The following ROBO2 variants were observed in gnomAD, a reference collection of about 807,000 sequenced individuals.
ROBO2 encodes the protein roundabout guidance receptor 2, also known as roundabout homolog 2.
A neutral mutation model predicts 160.8 loss-of-function variants in ROBO2; 53 were observed. That is an observed-to-expected ratio of 0.33 (90% CI 0.26 to 0.41). The LOEUF (loss-of-function observed/expected upper bound fraction) is 0.41, where lower values mean the gene tolerates loss of function less well. Among genes scored for constraint, ROBO2 ranks in the 10% least tolerant of loss-of-function variants. ROBO2 has a pLI of 1.00. For synonymous variants in ROBO2, 664 were observed against 611.7 expected (o/e 1.09, Z -1.26); for missense variants, 1,577 against 1,722.4 (o/e 0.92, Z 1.49).
chr3:77,580,807 T>C (rs1371810771), intron 16 of ROBO2, among the ~76,000 whole-genome samples: 4 of 152,184 alleles, frequency 2.6e-5, no homozygotes, highest in Non-Finnish European at 4.4e-5. Context: ...GCTTTTCACC[T>C]GACAGAATGA....
At position 76,575,535 on chromosome 3, in the gene ROBO2, C is replaced by A. The variant is rs145580289; in HGVS notation, c.110-522479C>A. 1.4e-4 allele frequency among the ~76,000 whole-genome samples: 21 copies of A among 152,014 alleles called. No homozygotes were observed. In the East Asian group the frequency reaches 3.5e-3, roughly 25 times the overall value. The stretch of plus-strand genomic sequence containing the variant: ...AAAATGACATTTTACTTGTCATAGG[C>A]AAGTATTTTTGTCTCTTTGGAGGTA... On this transcript the variant is annotated intron_variant, in intron 2 of 26. Coordinates refer to the ROBO2 transcript ENST00000487694.
intron 2 of ROBO2, among the ~76,000 whole-genome samples, chr3:76,992,203 A>G (rs2060704342): frequency 6.6e-6 from 1 of 151,752 alleles, no homozygotes; most frequent in Non-Finnish European, 1.5e-5. Flanking sequence ...AAAAGGGCAG[A>G]TAACTGGAGA....
chr3:77,635,720 C>T (rs191383554), intron 24 of ROBO2, among the ~76,000 whole-genome samples: 4 of 152,188 alleles, frequency 2.6e-5, no homozygotes, highest in Admixed American at 1.3e-4. Context: ...AGATTTTTAC[C>T]CCAGATCAAT....
intron 2 of ROBO2, among the ~76,000 whole-genome samples, chr3:76,526,015 A>G (rs2081929386): frequency 6.6e-6 from 1 of 152,108 alleles, no homozygotes; most frequent in East Asian, 1.9e-4. Context: ...AGATCTAAAA[A>G]CAGATGACAA....
chr3:76,281,903 G>C (rs1176322378), intron 2 of ROBO2, among the ~76,000 whole-genome samples: 1 of 151,808 alleles, frequency 6.6e-6, no homozygotes, highest in Non-Finnish European at 1.5e-5. Flanking sequence ...GTGTTCTCTG[G>C]TCTACACCCC....
At chr3:76,233,623 C>G (rs2107481599) in intron 2 of ROBO2, among the ~76,000 whole-genome samples, 1 of 152,302 alleles carries the variant, frequency 6.6e-6, no homozygotes, top group Non-Finnish European at 1.5e-5. Flanking sequence ...CCAGTTATGT[C>G]TTACCACTGT....
chr3:76,993,230 C>A (rs141681961), intron 2 of ROBO2, among the ~76,000 whole-genome samples: 1,860 of 152,252 alleles, frequency 0.012, 41 homozygotes, highest in African/African-American at 0.043. Flanking sequence ...CAATTTTTGT[C>A]TCATCTTCTA....
At chr3:77,222,318 C>T (rs1396903211) in intron 2 of ROBO2, among the ~76,000 whole-genome samples, 1 of 152,134 alleles carries the variant, frequency 6.6e-6, no homozygotes, top group Non-Finnish European at 1.5e-5. Context: ...GAGAATGGCA[C>T]CTGCTTAAAA....
chr3:76,855,569 T>C (rs1177772146), intron 2 of ROBO2, among the ~76,000 whole-genome samples: 3 of 152,254 alleles, frequency 2.0e-5, no homozygotes, highest in Admixed American at 6.5e-5. Flanking sequence ...ATATATTTTT[T>C]TCTTTTAGCT....
intron 2 of ROBO2, among the ~76,000 whole-genome samples, chr3:76,938,755 A>C (rs2077927177): frequency 6.6e-6 from 1 of 152,036 alleles, no homozygotes; most frequent in African/African-American, 2.4e-5. Flanking sequence ...GGATCCCCTG[A>C]GGTCGGGAGA....
intron 2 of ROBO2, among the ~76,000 whole-genome samples, chr3:75,984,995 A>G (rs1233313583): frequency 4.6e-5 from 7 of 151,540 alleles, no homozygotes; most frequent in Admixed American, 1.3e-4. Flanking sequence ...TAGTATCTGC[A>G]TGTTTCCTTG....
At chr3:75,915,357 T>A (rs1044200718) in intron 1 of ROBO2, among the ~76,000 whole-genome samples, 2 of 152,164 alleles carry the variant, frequency 1.3e-5, no homozygotes, top group Admixed American at 1.3e-4. Flanking sequence ...TTGAGATCAT[T>A]TATTATAAAA....
At chr3:76,315,545 C>T (rs1297637133) in intron 2 of ROBO2, among the ~76,000 whole-genome samples, 1 of 152,084 alleles carries the variant, frequency 6.6e-6, no homozygotes, top group African/African-American at 2.4e-5. Flanking sequence ...TGCATGGTCC[C>T]ATCTAATACA....
chr3:76,145,791 A>T (rs1476802313), intron 2 of ROBO2, among the ~76,000 whole-genome samples: 3 of 152,206 alleles, frequency 2.0e-5, no homozygotes, highest in East Asian at 3.9e-4. Flanking sequence ...CTAATTAGAC[A>T]AATCTGAATT....
At chr3:76,966,666 A>G (rs1442191802) in intron 2 of ROBO2, among the ~76,000 whole-genome samples, 2 of 152,244 alleles carry the variant, frequency 1.3e-5, no homozygotes, top group Non-Finnish European at 2.9e-5. Context: ...TCTCCTGCCA[A>G]CTATGTGACT....
At position 75,993,822 on chromosome 3, in the gene ROBO2, C is replaced by T. The variant is rs76933913; in HGVS notation, c.109+56220C>T. ...CCAAAAACATACAGGCTTCCAGAGG[C>T]CTGTTGATTTACCAGCTATTCTCTT... On this transcript the variant is annotated intron_variant, in intron 2 of 26. Coordinates refer to the ROBO2 transcript ENST00000487694. 6.9e-3 allele frequency among the ~76,000 whole-genome samples: 1,049 copies of T among 152,200 alleles called. 70 individuals carry two copies. The East Asian group carries it at 0.17, about 25-fold the overall frequency.
intron 9 of ROBO2, among the ~76,000 whole-genome samples, chr3:77,558,679 G>A (rs1164373454): frequency 6.6e-6 from 1 of 152,002 alleles, no homozygotes; most frequent in Non-Finnish European, 1.5e-5. Flanking sequence ...ACAAGGCATT[G>A]GTGGTTTTTT....
chr3:76,569,636 C>T (rs1388327980), intron 2 of ROBO2, among the ~76,000 whole-genome samples: 2 of 152,116 alleles, frequency 1.3e-5, no homozygotes, highest in African/African-American at 4.8e-5. Flanking sequence ...GTTGTATAAT[C>T]CTCAAAATGG....
chr3:76,655,644 GA>G (rs200905803), intron 2 of ROBO2, among the ~76,000 whole-genome samples: 2,693 of 135,536 alleles, frequency 0.02, 78 homozygotes, highest in African/African-American at 0.066. Flanking sequence ...AAAAATTAAT[GA>G]AAAAAGAGAA....
Sources: gnomAD v4.1 joint callset for allele counts (sites outside exome capture counted in the v4.1 genomes callset) on GRCh38, gnomAD v4.1.1 for gene constraint, MANE v1.5 for transcripts, NCBI Gene and HGNC (gene_info 2026-07-23, HGNC 2026-07-21) for gene names.